Variants in PELI2 observed in about 807,000 individuals in gnomAD.
PELI2 encodes E3 ubiquitin-protein ligase pellino homolog 2.
Under a neutral mutation model 42.3 loss-of-function variants are expected in PELI2, and 23 were observed. That is an observed-to-expected ratio of 0.54 (90% confidence interval 0.39 to 0.77). The LOEUF (loss-of-function observed/expected upper bound fraction) is 0.77, where lower values mean the gene tolerates loss of function less well. PELI2 is among the 30% of genes least tolerant of loss of function. The pLI is 0.00. For synonymous variants in PELI2, 245 were observed against 212.2 expected (o/e 1.15, Z -1.34); for missense variants, 463 against 553.2 (o/e 0.84, Z 1.64).
chr14:56,129,633 A>T (rs115991106), intron 1 of PELI2, among the ~76,000 whole-genome samples: 336 of 152,226 alleles, frequency 2.2e-3, no homozygotes, highest in African/African-American at 7.8e-3. Context: ...GCATGGGAGG[A>T]TGCACAGTGT....
chr14:56,280,725 T>A (rs570160474), intron 3 of PELI2, among the ~76,000 whole-genome samples: 1 of 152,198 alleles, frequency 6.6e-6, no homozygotes, highest in African/African-American at 2.4e-5. Flanking sequence ...TAGGGAAGGA[T>A]CAATAGTAAA....
chr14:56,218,728 T>A (rs79794067), intron 2 of PELI2, among the ~76,000 whole-genome samples: 1 of 151,080 alleles, frequency 6.6e-6, no homozygotes, highest in Non-Finnish European at 1.5e-5. Flanking sequence ...TGTGTGTGTT[T>A]GAGAGAGAGA....
At position 56,297,694 on chromosome 14, in the gene PELI2, T is replaced by C. The variant is rs1043059275; in HGVS notation, c.*528T>C. 2.0e-5 allele frequency: 3 copies of C among 152,008 alleles called. No homozygotes were observed. The highest frequency in any genetic ancestry group is 4.4e-5 in the Non-Finnish European group (3 of 68,056). The allele number at this position is 152,008 out of a possible 1,614,324, so 9.4% of individuals were successfully genotyped here. On this transcript the variant is annotated 3_prime_UTR_variant, in exon 6 of 6. Coordinates refer to ENST00000267460, the MANE Select transcript of PELI2 (RefSeq NM_021255.3). ...GTGGACAGATGGCCTTAGGCACAGGTGGTTTTGAAATCTGGGGCTTTTTCT... is the reference window on the plus strand; with the variant it reads ...GTGGACAGATGGCCTTAGGCACAGGCGGTTTTGAAATCTGGGGCTTTTTCT...
rs1885550731 is a variant in PELI2, at chr14:56,180,833, C to T, written c.207+2369C>T. On this transcript the variant is annotated intron_variant, in intron 2 of 5. Coordinates refer to ENST00000267460, the MANE Select transcript of PELI2 (RefSeq NM_021255.3). This position sits in a 1 kb window ranked among gnomAD's most constrained non-coding sequence, Gnocchi z 4.4. ...GGGTCTGCTCTGTTGGCACCTTCTA[C>T]CTTGGAGCTCCAGCCAGTTGTGAAC... Among the ~76,000 whole-genome samples the T allele has an allele frequency of 6.6e-6, 1 of 152,162 alleles. No individual in the cohort carries two copies. The highest frequency in any genetic ancestry group is 1.5e-5 in the Non-Finnish European group (1 of 68,034).
intron 2 of PELI2, among the ~76,000 whole-genome samples, chr14:56,239,354 A>G (rs947850097): frequency 1.3e-5 from 2 of 152,224 alleles, no homozygotes; most frequent in African/African-American, 2.4e-5. Context: ...GCTTTTAAAA[A>G]TTCCTGGACT....
intron 3 of PELI2, among the ~76,000 whole-genome samples, chr14:56,285,099 C>G (rs1889603489): frequency 6.6e-6 from 1 of 152,118 alleles, no homozygotes; most frequent in Non-Finnish European, 1.5e-5. Context: ...TGTACGATTT[C>G]TCAAACTACT....
At chr14:56,296,449 G>A in intron 5 of PELI2, 151 bp from the exon 6 acceptor site, 1 of 606,006 alleles carries the variant, frequency 1.7e-6, no homozygotes, top group South Asian at 2.0e-5. Context: ...GCTCGGGGAG[G>A]ATAGGTTACT....
chr14:56,273,037 A>G lies in PELI2; in HGVS notation c.208-6639A>G, dbSNP rs1302532350. Among the ~76,000 whole-genome samples, 3 of 152,216 alleles carry G rather than the reference A, an allele frequency of 2.0e-5. No individual in the cohort carries two copies. Among genetic ancestry groups the G allele is most frequent in the Admixed American group, 6.5e-5 (1 of 15,278 alleles). ...CCACAGAATTTAGTGAGTTCACAAA[A>G]ACCTTCTGTTTTATTCATTATTTTG... On this transcript the variant is annotated intron_variant, in intron 2 of 5. Transcript: ENST00000267460. The surrounding 1 kb of genome is among the most constrained non-coding windows in gnomAD (Gnocchi z 4.3).
chr14:56,157,537 C>A (rs1276967121), intron 1 of PELI2, among the ~76,000 whole-genome samples: 1 of 151,820 alleles, frequency 6.6e-6, no homozygotes, highest in East Asian at 1.9e-4. Context: ...TCACTCCCCC[C>A]CAAAAAAAAT....
intron 2 of PELI2, among the ~76,000 whole-genome samples, chr14:56,198,771 G>T (rs1239933393): frequency 6.6e-6 from 1 of 152,188 alleles, no homozygotes; most frequent in Non-Finnish European, 1.5e-5. Context: ...AGATGACCCA[G>T]TATGGTGGGA....
intron 2 of PELI2, among the ~76,000 whole-genome samples, chr14:56,190,304 A>G (rs1419666884): frequency 6.6e-6 from 1 of 152,248 alleles, no homozygotes; most frequent in African/African-American, 2.4e-5. Flanking sequence ...CAAGTTAGGT[A>G]GACTGAATGT....
intron 2 of PELI2, among the ~76,000 whole-genome samples, chr14:56,244,105 T>G (rs1888069881): frequency 1.3e-5 from 2 of 152,110 alleles, no homozygotes; most frequent in Admixed American, 1.3e-4. Flanking sequence ...TTTTCCAGGG[T>G]GAAACTGATG....
At chr14:56,275,477 A>G (rs1329999180) in intron 2 of PELI2, among the ~76,000 whole-genome samples, 1 of 152,176 alleles carries the variant, frequency 6.6e-6, no homozygotes, top group Non-Finnish European at 1.5e-5. Flanking sequence ...TTTGTTTTCC[A>G]GCAACCAGAC....
At chr14:56,155,828 C>G (rs1013090861) in intron 1 of PELI2, among the ~76,000 whole-genome samples, 3 of 151,970 alleles carry the variant, frequency 2.0e-5, no homozygotes, top group African/African-American at 7.2e-5. Flanking sequence ...CGTGATCCGC[C>G]CCCCCTCAGC....
At chr14:56,253,990 A>C (rs1888440731) in intron 2 of PELI2, among the ~76,000 whole-genome samples, 1 of 152,262 alleles carries the variant, frequency 6.6e-6, no homozygotes, top group African/African-American at 2.4e-5. Flanking sequence ...CTGGTACCAA[A>C]ACAGATACAT....
intron 1 of PELI2, among the ~76,000 whole-genome samples, chr14:56,175,963 C>T (rs2139663771): frequency 6.6e-6 from 1 of 152,316 alleles, no homozygotes; most frequent in Admixed American, 6.5e-5. Context: ...ATGACATCCC[C>T]ACAGCTCCTG....
intron 1 of PELI2, among the ~76,000 whole-genome samples, chr14:56,122,709 TG>T (rs926086838): frequency 4.6e-5 from 7 of 152,172 alleles, no homozygotes; most frequent in Non-Finnish European, 7.4e-5. Context: ...TGAACTTAGA[TG>T]GGGGAAAAAC....
chr14:56,238,361 A>T (rs570114946), intron 2 of PELI2, among the ~76,000 whole-genome samples: 1 of 152,352 alleles, frequency 6.6e-6, no homozygotes, highest in East Asian at 1.9e-4. Flanking sequence ...GTTTCGTATT[A>T]ACTGCATTAA....
intron 1 of PELI2, among the ~76,000 whole-genome samples, chr14:56,141,963 G>A (rs999652880): frequency 5.3e-5 from 8 of 152,164 alleles, no homozygotes; most frequent in African/African-American, 1.9e-4. Flanking sequence ...GTTGCTTGTG[G>A]CTATTCAGTA....
Sources: gnomAD v4.1 joint callset for allele counts (sites outside exome capture counted in the v4.1 genomes callset) on GRCh38, gnomAD v4.1.1 for gene constraint, Gnocchi (gnomAD v3.1) non-coding constraint, MANE v1.5 for transcripts, NCBI Gene and HGNC (gene_info 2026-07-23, HGNC 2026-07-21) for gene names.